The following YAP1 variants were observed in gnomAD, a reference collection of about 807,000 sequenced individuals.
YAP1 encodes Yes1 associated transcriptional regulator.
A neutral mutation model predicts 56.9 loss-of-function variants in YAP1; 5 were observed. That is an observed-to-expected ratio of 0.09 (90% confidence interval 0.05 to 0.18). The LOEUF (loss-of-function observed/expected upper bound fraction) is 0.18. YAP1 is among the 10% of genes least tolerant of loss of function. YAP1 has a pLI of 1.00. For missense variants in YAP1, 539 were observed against 651.8 expected (o/e 0.83, Z 1.88); for synonymous variants, 265 against 248.1 (o/e 1.07, Z -0.64).
At chr11:102,204,793 A>G (rs1203794006) in intron 4 of YAP1, among the ~76,000 whole-genome samples, 1 of 152,194 alleles carries the variant, frequency 6.6e-6, no homozygotes, top group Non-Finnish European at 1.5e-5. Context: ...GTATGGTATC[A>G]AGGTTATGCT....
chr11:102,112,925 C>G (rs1312805071), intron 1 of YAP1, among the ~76,000 whole-genome samples: 2 of 152,122 alleles, frequency 1.3e-5, no homozygotes, highest in Admixed American at 6.5e-5. Context: ...ACTTTTTCTT[C>G]TAGTAAATAA....
chr11:102,173,622 C>T (rs1947053491), intron 3 of YAP1, among the ~76,000 whole-genome samples: 2 of 152,082 alleles, frequency 1.3e-5, no homozygotes, highest in African/African-American at 4.8e-5. Context: ...ATTGAGTGTT[C>T]ATCTCTGTTT....
chr11:102,230,550 A>G lies in YAP1; in HGVS notation c.*610A>G, dbSNP rs1950400185. ...GACCTTGATTTTATTTTAGGAGCTT[A>G]TAAGGCATGAGACAATTTCCATATA... is the stretch of plus-strand genomic sequence containing the variant. On this transcript the variant is annotated 3_prime_UTR_variant, in exon 9 of 9. Coordinates refer to ENST00000282441, the MANE Select transcript of YAP1 (RefSeq NM_001130145.3). 6.5e-6 allele frequency: 1 copy of G among 152,702 alleles called. No individual in the cohort carries two copies. Among genetic ancestry groups the G allele is most frequent in the Non-Finnish European group, 1.5e-5 (1 of 68,098 alleles). 9.5% of individuals were successfully genotyped at this position (152,702 alleles called of 1,614,324 possible).
intron 3 of YAP1, among the ~76,000 whole-genome samples, chr11:102,179,071 C>G (rs1213300761): frequency 6.8e-6 from 1 of 146,870 alleles, no homozygotes; most frequent in East Asian, 2.1e-4. Context: ...CCAGTCACCC[C>G]CCACCAGGCC....
Position 102,229,972 on chromosome 11 carries a change from GA to G in YAP1, c.*34del. On this transcript the variant is annotated 3_prime_UTR_variant, in exon 9 of 9. Transcript: ENST00000282441. ...CAGGCAGACTGAATTCTAAATCTGT[GA>G]AGGATCTAAGGAGACACATGCACCG... 6.3e-7 allele frequency: 1 copy of G among 1,593,094 alleles called. No individual in the cohort carries two copies. Among genetic ancestry groups the G allele is most frequent in the South Asian group, 1.1e-5 (1 of 90,420 alleles).
intron 5 of YAP1, among the ~76,000 whole-genome samples, chr11:102,207,805 T>TA (rs1358436801): frequency 6.6e-6 from 1 of 152,116 alleles, no homozygotes; most frequent in East Asian, 1.9e-4. Context: ...GCATCAAAGG[T>TA]AAACCCTGAT....
chr11:102,129,795 C>CTTTT (rs773044206), intron 2 of YAP1, among the ~76,000 whole-genome samples: 4 of 102,084 alleles, frequency 3.9e-5, no homozygotes, highest in Non-Finnish European at 6.1e-5. Context: ...GGAAGCAAAA[C>CTTTT]TTTTTTTTTT....
rs536747149 is a variant in YAP1 at position 102,194,005 on chromosome 11, C to A, written c.802+7874C>A. Among the ~76,000 whole-genome samples the A allele has an allele frequency of 1.2e-4, 18 of 152,078 alleles. No homozygotes were observed. The East Asian group carries it at 3.5e-3, about 29-fold the overall frequency. On this transcript the variant is annotated intron_variant, in intron 4 of 8. Transcript: ENST00000282441. ...GTATTTTAGTAGAGACAGGGTTTCA[C>A]CATGTTAGCCAGGATGGTCTCGATC... is the stretch of plus-strand genomic sequence containing the variant.
chr11:102,130,969 A>G (rs754589249), intron 2 of YAP1, among the ~76,000 whole-genome samples: 1 of 152,016 alleles, frequency 6.6e-6, no homozygotes, highest in Non-Finnish European at 1.5e-5. Context: ...AATGATATGT[A>G]AGTGTCATTG....
intron 6 of YAP1, among the ~76,000 whole-genome samples, chr11:102,217,604 A>C (rs10791569): frequency 0.45 from 68,181 of 152,046 alleles, 15,550 homozygotes; most frequent in East Asian, 0.59. Context: ...AAAATACCGA[A>C]TAATCTACAA....
At chr11:102,181,618 A>T (rs1349043813) in intron 3 of YAP1, among the ~76,000 whole-genome samples, 3 of 152,286 alleles carry the variant, frequency 2.0e-5, no homozygotes, top group South Asian at 4.1e-4. Context: ...AAATTTAAAA[A>T]AAAACGTACT....
At chr11:102,172,070 G>A (rs897518776) in intron 3 of YAP1, among the ~76,000 whole-genome samples, 5 of 151,834 alleles carry the variant, frequency 3.3e-5, no homozygotes, top group African/African-American at 1.2e-4. Flanking sequence ...CCGTTTGCCT[G>A]TAATCCCAGC....
chr11:102,128,191 G>C (rs1344180360), intron 2 of YAP1, among the ~76,000 whole-genome samples: 2 of 152,090 alleles, frequency 1.3e-5, no homozygotes, highest in African/African-American at 4.8e-5. Context: ...CATGAGATTT[G>C]GAGGGGCCAA....
At chr11:102,123,351 G>C (rs1477839910) in intron 2 of YAP1, among the ~76,000 whole-genome samples, 1 of 152,152 alleles carries the variant, frequency 6.6e-6, no homozygotes, top group Non-Finnish European at 1.5e-5. Flanking sequence ...TGTTGCTTCA[G>C]AGTTGTCATG....
intron 2 of YAP1, among the ~76,000 whole-genome samples, chr11:102,119,684 C>T (rs1324011627): frequency 1.3e-5 from 2 of 149,550 alleles, no homozygotes; most frequent in Non-Finnish European, 3.0e-5. Flanking sequence ...AAAATAAGTC[C>T]TCTTTAGTTA....
Position 102,114,242 on chromosome 11 carries a change from G to A in YAP1, c.420G>A (p.Gly140=). The change falls in exon 2 of 9, where the codon GGG becomes GGA. Residue 140 remains glycine, a synonymous_variant. Coordinates refer to ENST00000282441, the MANE Select transcript of YAP1 (RefSeq NM_001130145.3). ...TGCAGTTGGGAGCTGTTTCTCCTGG[G>A]ACACTGACCCCCACTGGAGTAGTCT... ...ASLQLGAVSP[G]TLTPTGVVSG... 6.2e-7 allele frequency: 1 copy of A among 1,614,088 alleles called. No individual in the cohort carries two copies. The highest frequency in any genetic ancestry group is 1.1e-5 in the South Asian group (1 of 91,082).
chr11:102,123,489 A>G (rs567586513), intron 2 of YAP1, among the ~76,000 whole-genome samples: 6 of 152,232 alleles, frequency 3.9e-5, no homozygotes, highest in African/African-American at 1.4e-4. Flanking sequence ...TTTGCAGAAG[A>G]AAGGGGTACA....
At chr11:102,176,398 A>T (rs1947249821) in intron 3 of YAP1, among the ~76,000 whole-genome samples, 1 of 152,154 alleles carries the variant, frequency 6.6e-6, no homozygotes, top group African/African-American at 2.4e-5. Context: ...GGTGGGGAAG[A>T]GTCTTACTAG....
chr11:102,136,290 TATG>T (rs951449761), intron 2 of YAP1, among the ~76,000 whole-genome samples: 3 of 152,276 alleles, frequency 2.0e-5, no homozygotes. Flanking sequence ...CTTTTTCCTG[TATG>T]ATAACTGCTT....
Sources: allele counts gnomAD v4.1 joint callset (sites outside exome capture counted in the v4.1 genomes callset), GRCh38; gene constraint gnomAD v4.1.1; transcripts MANE v1.5; gene names NCBI Gene and HGNC (gene_info 2026-07-23, HGNC 2026-07-21).